NCOA4: variants seen among roughly 807,000 people sequenced by gnomAD.
NCOA4 encodes nuclear receptor coactivator 4.
Under a neutral mutation model 69.5 loss-of-function variants are expected in NCOA4, and 31 were observed. That is an observed-to-expected ratio of 0.45 (90% confidence interval 0.34 to 0.60). NCOA4 has a LOEUF of 0.60. NCOA4 is among the 20% of genes least tolerant of loss of function. The probability of loss-of-function intolerance (pLI) is 0.02; values close to 1 mark genes in which losing one functional copy is unlikely to be tolerated. For synonymous variants in NCOA4, 228 were observed against 252.4 expected, an observed-to-expected ratio of 0.90 and a Z score of 0.92; for missense variants, 600 against 719.2, an observed-to-expected ratio of 0.83 and a Z score of 1.90.
chr10:46,030,443 G>T (rs1196921821), intron 1 of NCOA4, 83 bp downstream of exon 1: 1 of 139,926 alleles, frequency 7.1e-6, no homozygotes. Flanking sequence ...TCCCGGTGTC[G>T]GTCGGGTCGG....
Position 46,009,376 on chromosome 10 carries a change from A to G in NCOA4, c.1839+35T>C, listed in dbSNP as rs370768244. ...CAAAACATTTATTTTATAAATAGCT[A>G]TAATCTAATTTTCATGCTGGTGGCA... On this transcript the variant is annotated intron_variant, in intron 9 of 9. Transcript: ENST00000581486. 1.4e-5 allele frequency: 23 copies of G among 1,589,552 alleles called. No individual in the cohort carries two copies. The African/African-American group carries it at 2.3e-4, about 16-fold the overall frequency.
intron 2 of NCOA4, 105 bp downstream of exon 2, chr10:46,016,434 TG>T: frequency 9.6e-7 from 1 of 1,038,320 alleles, no homozygotes; most frequent in South Asian, 3.6e-5. Flanking sequence ...ACGCAAGGCA[TG>T]GGGTGAAATT....
At chr10:46,008,132 GC>G (rs1472352053) in intron 9 of NCOA4, among the ~76,000 whole-genome samples, 20 of 152,334 alleles carry the variant, frequency 1.3e-4, no homozygotes, top group Admixed American at 4.6e-4. Context: ...TGATGGAGAT[GC>G]AGAAGGAGAT....
intron 1 of NCOA4, chr10:46,022,501 T>C (rs1051502473): frequency 1.1e-5 from 5 of 459,146 alleles, no homozygotes; most frequent in Non-Finnish European, 2.2e-5. Flanking sequence ...AGTCTAGCTC[T>C]GCCGCCCAGG....
chr10:46,010,419 G>A lies in NCOA4; in HGVS notation c.1502C>T (p.Pro501Leu), dbSNP rs1192518350. Reference sequence around the variant, plus strand: ...CTTGGGACTTCCTTCTTTGTATGGGGGCCTGATAAGCCACTCCGACAAGGG... The same window carrying A: ...CTTGGGACTTCCTTCTTTGTATGGGAGCCTGATAAGCCACTCCGACAAGGG... ...NSPLSEWLIRPPYKEGSPKEV... is the reference protein window; with the variant it reads ...NSPLSEWLIRLPYKEGSPKEV... The change falls in exon 8 of 10, where the codon CCC becomes CTC. Residue 501 changes from proline to leucine, a missense_variant. Pro to Leu is a moderately conservative substitution (Grantham distance 98, BLOSUM62 -3). Transcript: ENST00000581486. The A allele has an allele frequency of 1.9e-6, 3 of 1,613,974 alleles. No homozygotes were observed. The highest frequency in any genetic ancestry group is 2.7e-5 in the African/African-American group (2 of 74,876).
At chr10:46,020,789 C>T (rs1359164889) in intron 1 of NCOA4, among the ~76,000 whole-genome samples, 1 of 152,190 alleles carries the variant, frequency 6.6e-6, no homozygotes, top group African/African-American at 2.4e-5. Flanking sequence ...CAAATCAGCT[C>T]TGATCCTAAT....
chr10:46,012,111 A>AAG (rs1839269188), intron 7 of NCOA4, among the ~76,000 whole-genome samples: 1 of 145,942 alleles, frequency 6.9e-6, no homozygotes, highest in East Asian at 2.0e-4. Flanking sequence ...AAACGAAAAA[A>AAG]GAAAATACTC....
chr10:46,017,131 A>T (rs1564925150), intron 1 of NCOA4, among the ~76,000 whole-genome samples: 1 of 152,260 alleles, frequency 6.6e-6, no homozygotes, highest in Non-Finnish European at 1.5e-5. Context: ...TAAGCTGCAA[A>T]CAATCAAGTT....
chr10:46,016,988 A>G (rs545285283), intron 1 of NCOA4, among the ~76,000 whole-genome samples: 24 of 152,364 alleles, frequency 1.6e-4, no homozygotes, highest in African/African-American at 5.8e-4. Context: ...CAGTGTCCTG[A>G]AAAGTTAAAA....
intron 7 of NCOA4, among the ~76,000 whole-genome samples, chr10:46,012,072 A>G (rs1839253049): frequency 7.5e-4 from 24 of 32,084 alleles, no homozygotes; most frequent in Non-Finnish European, 1.2e-3. Context: ...AAAAGAAAGA[A>G]AAAAAAAAAA....
chr10:46,026,982 T>C (rs1554925594), intron 1 of NCOA4, among the ~76,000 whole-genome samples: 1 of 151,828 alleles, frequency 6.6e-6, no homozygotes, highest in East Asian at 1.9e-4. Flanking sequence ...TGACTAAGAG[T>C]GGTCCGGGCG....
Position 46,009,933 on chromosome 10 carries a change from AAGAC to A in NCOA4, c.1698+286_1698+289del, listed in dbSNP as rs1839100733. On this transcript the variant is annotated intron_variant, in intron 8 of 9. Transcript: ENST00000581486. ...TGTAATCCCAGCAGTTTAGGAGACC[AAGAC>A]GGGCAGATCGCTTAAGCTCAGGAGT... Among the ~76,000 whole-genome samples, 788 of 152,254 alleles carry A rather than the reference AAGAC, an allele frequency of 5.2e-3. 8 individuals are homozygous for A. The highest frequency in any genetic ancestry group is 0.018 in the African/African-American group (753 of 41,540).
intron 7 of NCOA4, among the ~76,000 whole-genome samples, chr10:46,012,105 G>GAAAAAAAAA (rs1839267522): frequency 2.2e-4 from 11 of 50,032 alleles, no homozygotes; most frequent in Non-Finnish European, 3.6e-4. Flanking sequence ...AAAAAAAAAC[G>GAAAAAAAAA]AAAAAAGAAA....
At chr10:46,027,611 T>C in intron 1 of NCOA4, 1 of 772,436 alleles carries the variant, frequency 1.3e-6, no homozygotes, top group Non-Finnish European at 2.1e-6. Flanking sequence ...TAATAAAAAA[T>C]GCCATGGCCT....
Position 46,013,131 on chromosome 10 carries a change from T to C in NCOA4, c.571-105A>G, listed in dbSNP as rs574604884. 4.0e-4 allele frequency: 433 copies of C among 1,074,886 alleles called. 3 individuals are homozygous for C. The Middle Eastern group carries it at 7.1e-3, about 18-fold the overall frequency. 66.6% of individuals were successfully genotyped at this position (1,074,886 alleles called of 1,614,324 possible). On this transcript the variant is annotated intron_variant, in intron 6 of 9. Transcript: ENST00000581486. ...CTTGCCACTGACCCTGGGCAAATCA[T>C]GTGCCTTCCAAGAGCCTCAATTTTC...
In NCOA4 at chr10:46,011,279, T is replaced by C. The variant is rs568100409; in HGVS notation, c.715-73A>G. 2.9e-5 allele frequency: 42 copies of C among 1,460,870 alleles called. No individual in the cohort carries two copies. In the South Asian group the frequency reaches 3.6e-4, roughly 13 times the overall value. The allele number at this position is 1,460,870 out of a possible 1,614,324, so 90.5% of individuals were successfully genotyped here. A position where few individuals can be genotyped will look rare whatever the true frequency, so the allele number is the denominator to read the frequency against. On this transcript the variant is annotated intron_variant, in intron 7 of 9. Transcript: ENST00000581486. ...CTTTGGAGATTCTGTCTGCACTTTT[T>C]CTTTTTTTGAGACAGTCTCACTCTG...
intron 1 of NCOA4, among the ~76,000 whole-genome samples, chr10:46,030,117 C>G (rs1554926238): frequency 6.6e-6 from 1 of 152,180 alleles, no homozygotes; most frequent in African/African-American, 2.4e-5. Context: ...CACATCCAAG[C>G]AAGAGGCGAG....
intron 8 of NCOA4, 82 bp from the exon 9 acceptor site, chr10:46,009,633 A>G (rs1839078632): frequency 1.6e-6 from 2 of 1,290,292 alleles, no homozygotes; most frequent in African/African-American, 1.5e-5. Flanking sequence ...GGGTCTACAG[A>G]GAATAATTTA....
intron 1 of NCOA4, among the ~76,000 whole-genome samples, chr10:46,025,151 C>A (rs1840089726): frequency 6.6e-6 from 1 of 152,188 alleles, no homozygotes; most frequent in Middle Eastern, 3.2e-3. Context: ...AACTCTCAGT[C>A]TGAAGCCAAA....
Sources: allele counts gnomAD v4.1 joint callset (sites outside exome capture counted in the v4.1 genomes callset), GRCh38; gene constraint gnomAD v4.1.1; transcripts MANE v1.5; gene names NCBI Gene and HGNC (gene_info 2026-07-23, HGNC 2026-07-21).